Variants in IL6ST observed in about 807,000 individuals in gnomAD.
IL6ST encodes interleukin 6 cytokine family signal transducer.
IL6ST carries 24 observed loss-of-function variants against 91.3 expected under a neutral mutation model. The observed-to-expected ratio is 0.26, with a 90% CI of 0.19 to 0.37. The LOEUF (loss-of-function observed/expected upper bound fraction) is 0.37. Ranked by LOEUF, IL6ST falls within the 10% of genes least tolerant of loss-of-function variation. The pLI, the probability that IL6ST is intolerant of heterozygous loss-of-function variation, is 1.00. For synonymous variants in IL6ST, 351 were observed against 373.6 expected, an observed-to-expected ratio of 0.94 and a Z score of 0.70; for missense variants, 914 against 1,078.5, an observed-to-expected ratio of 0.85 and a Z score of 2.14.
At chr5:55,966,343 C>T (rs1231059194) in intron 5 of IL6ST, among the ~76,000 whole-genome samples, 1 of 152,022 alleles carries the variant, frequency 6.6e-6, no homozygotes, top group African/African-American at 2.4e-5. Flanking sequence ...GGTAGTTGCT[C>T]ATGGGGTGGG....
intron 4 of IL6ST, 115 bp from the exon 5 acceptor site, chr5:55,968,511 G>A (rs1405861117): frequency 3.3e-6 from 3 of 921,764 alleles, no homozygotes; most frequent in Admixed American, 2.6e-5. Flanking sequence ...TCAAACCCAA[G>A]CAAAAAGTAT....
chr5:55,956,122 A>T lies in IL6ST; in HGVS notation c.1170T>A (p.Asn390Lys). 6.2e-7 allele frequency: 1 copy of T among 1,612,482 alleles called. No individual in the cohort carries two copies. Among genetic ancestry groups the T allele is most frequent in the Non-Finnish European group, 8.5e-7 (1 of 1,178,518 alleles). ...TTGCTAGATAGCGATCATTTGTGAG[A>T]TTTACTGTCAGTTTTGTGGCATTAA... is the stretch of plus-strand genomic sequence containing the variant. The part of the protein sequence containing the change: ...YTVNATKLTV[N>K]LTNDRYLATL... Residue 390 changes from asparagine to lysine, a missense_variant, in exon 10 of 17, where the codon AAT becomes AAA. Transcript: ENST00000381298.
chr5:55,980,791 G>C (rs1351183255), intron 2 of IL6ST, among the ~76,000 whole-genome samples: 2 of 152,214 alleles, frequency 1.3e-5, no homozygotes, highest in East Asian at 3.9e-4. Flanking sequence ...TGGCTTCCTA[G>C]TTCTGCACTT....
chr5:55,971,414 T>G (rs978492892), intron 3 of IL6ST, among the ~76,000 whole-genome samples: 1 of 152,246 alleles, frequency 6.6e-6, no homozygotes, highest in African/African-American at 2.4e-5. Context: ...TGTCAGTTAC[T>G]GTTCTAAAAT....
chr5:55,972,010 G>T (rs1383386228), intron 3 of IL6ST, among the ~76,000 whole-genome samples: 1 of 152,110 alleles, frequency 6.6e-6, no homozygotes, highest in Non-Finnish European at 1.5e-5. Context: ...ATCCAGTGGA[G>T]AATCTCTACT....
chr5:55,945,996 T>C (rs990695742), intron 15 of IL6ST, among the ~76,000 whole-genome samples: 1 of 152,106 alleles, frequency 6.6e-6, no homozygotes, highest in Non-Finnish European at 1.5e-5. Context: ...GGACAAAAGT[T>C]TGCAAAACGT....
chr5:55,937,375 A>G lies in IL6ST; in HGVS notation c.*3707T>C, dbSNP rs184497657. 4.7e-6 allele frequency: 1 copy of G among 212,732 alleles called. No homozygotes were observed. Among genetic ancestry groups the G allele is most frequent in the Non-Finnish European group, 9.5e-6 (1 of 105,046 alleles). 13.2% of individuals were successfully genotyped at this position (212,732 alleles called of 1,614,324 possible). On this transcript the variant is annotated 3_prime_UTR_variant, in exon 17 of 17. Coordinates refer to ENST00000381298, the MANE Select transcript of IL6ST (RefSeq NM_002184.4). ...TTTTTAATGCAATGTATATGAGAAT[A>G]TCATGCTAATGCACATACTAGTAGC...
At chr5:55,960,590 A>G (rs1364645918) in intron 7 of IL6ST, 29 bp from the exon 8 acceptor site, 2 of 1,592,914 alleles carry the variant, frequency 1.3e-6, no homozygotes, top group Non-Finnish European at 1.7e-6. Flanking sequence ...AACAACAGAA[A>G]ACCTCAATTA....
intron 5 of IL6ST, among the ~76,000 whole-genome samples, chr5:55,965,321 CTA>C (rs1195243609): frequency 1.3e-5 from 2 of 152,050 alleles, no homozygotes; most frequent in South Asian, 2.1e-4. Flanking sequence ...TTGTTGTCAA[CTA>C]TGTTTTTCAG....
At chr5:55,989,415 C>G (rs766397893) in intron 1 of IL6ST, among the ~76,000 whole-genome samples, 3 of 152,140 alleles carry the variant, frequency 2.0e-5, no homozygotes, top group African/African-American at 4.8e-5. Context: ...CACTCATGCA[C>G]GTGCACATGC....
chr5:55,945,895 C>A (rs974305966), intron 15 of IL6ST, among the ~76,000 whole-genome samples: 3 of 151,796 alleles, frequency 2.0e-5, no homozygotes, highest in African/African-American at 7.3e-5. Flanking sequence ...GTGAGCCGCC[C>A]GCCTTGACCT....
chr5:55,948,634 A>C (rs1490820959), intron 14 of IL6ST, among the ~76,000 whole-genome samples: 4 of 151,832 alleles, frequency 2.6e-5, no homozygotes. Flanking sequence ...GTATGTGTGT[A>C]TATATATATA....
intron 13 of IL6ST, 34 bp from the exon 14 acceptor site, chr5:55,951,638 A>C (rs768249865): frequency 6.3e-7 from 1 of 1,584,682 alleles, no homozygotes; most frequent in Non-Finnish European, 8.6e-7. Context: ...TCATTCAACT[A>C]TTCAATGCTT....
intron 8 of IL6ST, chr5:55,959,819 A>G (rs1374888485): frequency 3.0e-6 from 1 of 332,216 alleles, no homozygotes; most frequent in Non-Finnish European, 5.8e-6. Context: ...CTCCTTGAAT[A>G]AAATGTTCTA....
At chr5:55,986,448 A>G (rs1187665891) in intron 1 of IL6ST, among the ~76,000 whole-genome samples, 1 of 151,892 alleles carries the variant, frequency 6.6e-6, no homozygotes, top group African/African-American at 2.4e-5. Context: ...TTTTTTGTTT[A>G]ATCTGTATGT....
intron 9 of IL6ST, among the ~76,000 whole-genome samples, chr5:55,956,442 G>A (rs1751979257): frequency 6.6e-6 from 1 of 152,228 alleles, no homozygotes; most frequent in African/African-American, 2.4e-5. Flanking sequence ...AACTAAAAAA[G>A]GGTAAGTAGC....
chr5:55,964,692 G>A (rs1382681590), intron 5 of IL6ST, among the ~76,000 whole-genome samples: 1 of 152,104 alleles, frequency 6.6e-6, no homozygotes, highest in African/African-American at 2.4e-5. Flanking sequence ...GAAGGTGACA[G>A]GAGGTTAGGG....
Position 55,942,684 on chromosome 5 carries a change from G to T in IL6ST, c.2005C>A (p.His669Asn). ...TTTTCTCTTACCCTTGGAGGAGTGTGAGGTGACCACTGGGCAATATGACTC... is the reference window on the plus strand; with the variant it reads ...TTTTCTCTTACCCTTGGAGGAGTGTTAGGTGACCACTGGGCAATATGACTC... ...SKSHIAQWSP[H>N]TPPRHNFNSK... Residue 669 changes from histidine to asparagine, a missense_variant, in exon 16 of 17, where the codon CAC becomes AAC. Coordinates refer to ENST00000381298, the MANE Select transcript of IL6ST (RefSeq NM_002184.4). 6.3e-7 allele frequency: 1 copy of T among 1,596,812 alleles called. No individual in the cohort carries two copies. Among genetic ancestry groups the T allele is most frequent in the Non-Finnish European group, 8.6e-7 (1 of 1,165,492 alleles).
chr5:55,945,648 CT>C (rs70995749), intron 15 of IL6ST, among the ~76,000 whole-genome samples: 202 of 41,666 alleles, frequency 4.8e-3, no homozygotes, highest in African/African-American at 0.018. Flanking sequence ...AAAACTTATG[CT>C]TTTTTTTTTT....
Sources: allele counts gnomAD v4.1 joint callset (sites outside exome capture counted in the v4.1 genomes callset), GRCh38; gene constraint gnomAD v4.1.1; transcripts MANE v1.5; gene names NCBI Gene and HGNC (gene_info 2026-07-23, HGNC 2026-07-21).